The following SAMTOR variants were observed in gnomAD, a reference collection of about 807,000 sequenced individuals.
The protein encoded by SAMTOR is S-adenosylmethionine sensor upstream of mTORC1, also known as UPF0532 protein C7orf60.
the SAMTOR span, among the ~76,000 whole-genome samples, chr7:112,932,909 A>G: frequency 6.6e-6 from 1 of 152,362 alleles, no homozygotes; most frequent in Middle Eastern, 3.4e-3. Context: ...ACTCTAAACC[A>G]TAATCCTTAA....
the SAMTOR span, among the ~76,000 whole-genome samples, chr7:112,870,763 A>G: frequency 6.6e-6 from 1 of 151,730 alleles, no homozygotes; most frequent in Admixed American, 6.6e-5. Context: ...AAAAAAAAAA[A>G]AACCCACCCA....
At chr7:112,832,799 C>T in the SAMTOR span, 1 of 596,794 alleles carries the variant, frequency 1.7e-6, no homozygotes, top group South Asian at 2.3e-5. Context: ...ACTGACGGCC[C>T]CAATGAGCTT....
At chr7:112,926,673 CTTCT>C in the SAMTOR span, among the ~76,000 whole-genome samples, 1 of 151,986 alleles carries the variant, frequency 6.6e-6, no homozygotes, top group African/African-American at 2.4e-5. Context: ...TATATTTTTC[CTTCT>C]TTCAACAGAT....
At chr7:112,880,436 A>C in the SAMTOR span, among the ~76,000 whole-genome samples, 3 of 152,260 alleles carry the variant, frequency 2.0e-5, no homozygotes, top group East Asian at 5.8e-4. Context: ...AAATTAGGTA[A>C]GTAACTGTAA....
chr7:112,937,534 T>A, the SAMTOR span, among the ~76,000 whole-genome samples: 22 of 149,092 alleles, frequency 1.5e-4, no homozygotes, highest in Admixed American at 1.5e-3. Flanking sequence ...GTGCACAGAG[T>A]TTTTCACAGA....
chr7:112,867,339 A>G, the SAMTOR span, among the ~76,000 whole-genome samples: 2 of 152,364 alleles, frequency 1.3e-5, no homozygotes, highest in East Asian at 3.9e-4. Context: ...TGAATATTAA[A>G]GAACATGTAT....
At chr7:112,842,791 A>G in the SAMTOR span, among the ~76,000 whole-genome samples, 1 of 152,078 alleles carries the variant, frequency 6.6e-6, no homozygotes, top group African/African-American at 2.4e-5. Flanking sequence ...GACTTTGAGT[A>G]TCTATTAAAA....
the SAMTOR span, among the ~76,000 whole-genome samples, chr7:112,882,756 C>T: frequency 8.9e-5 from 9 of 100,968 alleles, no homozygotes; most frequent in Admixed American, 1.1e-3. Context: ...ACTACTGTAA[C>T]ATCTTTTTTT....
chr7:112,901,287 CT>C, the SAMTOR span, among the ~76,000 whole-genome samples: 1 of 152,162 alleles, frequency 6.6e-6, no homozygotes, highest in East Asian at 1.9e-4. Flanking sequence ...AGCTTTGCAC[CT>C]TGTCAGATCA....
the SAMTOR span, among the ~76,000 whole-genome samples, chr7:112,930,039 AATTT>A: frequency 6.6e-6 from 1 of 152,186 alleles, no homozygotes; most frequent in African/African-American, 2.4e-5. Flanking sequence ...AATTCAGAAC[AATTT>A]ATTTGATTCT....
the SAMTOR span, chr7:112,939,703 G>A: frequency 1.2e-6 from 2 of 1,610,756 alleles, no homozygotes; most frequent in East Asian, 2.2e-5. Context: ...TCGGGGACCC[G>A]GCCCTCTGCG....
At chr7:112,895,125 T>G in the SAMTOR span, among the ~76,000 whole-genome samples, 8 of 152,044 alleles carry the variant, frequency 5.3e-5, no homozygotes, top group Non-Finnish European at 1.0e-4. Flanking sequence ...ATAGCCACTT[T>G]AATTGTATTT....
chr7:112,880,840 A>G, the SAMTOR span, among the ~76,000 whole-genome samples: 1 of 152,204 alleles, frequency 6.6e-6, no homozygotes, highest in Admixed American at 6.5e-5. Context: ...TATATTATTG[A>G]TGGCAGCGGT....
the SAMTOR span, among the ~76,000 whole-genome samples, chr7:112,882,560 G>C: frequency 6.6e-6 from 1 of 151,752 alleles, no homozygotes; most frequent in Non-Finnish European, 1.5e-5. Flanking sequence ...GTGGTGGCAC[G>C]TGCCTGTAAT....
chr7:112,871,418 G>A, the SAMTOR span, among the ~76,000 whole-genome samples: 2 of 152,162 alleles, frequency 1.3e-5, no homozygotes, highest in Non-Finnish European at 2.9e-5. Context: ...GCTCCTGAAT[G>A]ACTTTTGGGT....
the SAMTOR span, among the ~76,000 whole-genome samples, chr7:112,886,172 T>C: frequency 6.6e-6 from 1 of 152,074 alleles, no homozygotes; most frequent in Non-Finnish European, 1.5e-5. Flanking sequence ...TCCCACCAGG[T>C]CCCTTCTATG....
At chr7:112,846,200 T>A in the SAMTOR span, among the ~76,000 whole-genome samples, 1 of 150,190 alleles carries the variant, frequency 6.7e-6, no homozygotes. Flanking sequence ...ATGCTAGGTA[T>A]AGCTATCCTG....
the SAMTOR span, among the ~76,000 whole-genome samples, chr7:112,899,584 C>T: frequency 6.6e-6 from 1 of 151,930 alleles, no homozygotes; most frequent in Non-Finnish European, 1.5e-5. Context: ...TCAAAGAACA[C>T]CAAGCAGCTT....
chr7:112,931,919 A>C, the SAMTOR span, among the ~76,000 whole-genome samples: 1 of 150,292 alleles, frequency 6.7e-6, no homozygotes, highest in Admixed American at 6.6e-5. Flanking sequence ...CAAAACTATT[A>C]CTTTTTTTTT....
Sources: allele counts gnomAD v4.1 joint callset (sites outside exome capture counted in the v4.1 genomes callset), GRCh38; gene constraint gnomAD v4.1.1; transcripts MANE v1.5; gene names NCBI Gene and HGNC (gene_info 2026-07-23, HGNC 2026-07-21).